PRTG: variants seen among roughly 807,000 people sequenced by gnomAD.
PRTG encodes the protein immunoglobulin superfamily, DCC subclass, member 5.
Under a neutral mutation model 122.5 loss-of-function variants are expected in PRTG, and 67 were observed. The observed-to-expected ratio is 0.55, with a 90% CI of 0.45 to 0.67. The LOEUF is 0.67. Among genes scored for constraint, PRTG ranks in the 30% least tolerant of loss-of-function variants. The probability of loss-of-function intolerance (pLI) is 0.00; values close to 1 mark genes in which losing one functional copy is unlikely to be tolerated. For synonymous variants in PRTG, 554 were observed against 501.1 expected, an observed-to-expected ratio of 1.11 and a Z score of -1.41; for missense variants, 1,435 against 1,415.4, an observed-to-expected ratio of 1.01 and a Z score of -0.22.
At chr15:55,717,907 G>T (rs1595673863) in intron 2 of PRTG, among the ~76,000 whole-genome samples, 1 of 152,130 alleles carries the variant, frequency 6.6e-6, no homozygotes, top group Non-Finnish European at 1.5e-5. Flanking sequence ...CTCTTCACAT[G>T]GACGCGCATG....
chr15:55,722,977 A>G (rs2030886754), intron 2 of PRTG, among the ~76,000 whole-genome samples: 1 of 152,216 alleles, frequency 6.6e-6, no homozygotes, highest in Non-Finnish European at 1.5e-5. Context: ...CAAGATTAAC[A>G]ACAGGAGGCT....
In PRTG at chr15:55,620,715, G is replaced by C. The variant is rs1240748912; in HGVS notation, c.3146C>G (p.Ser1049Cys). Reference protein sequence around the residue: ...NSYGPIIKNNSKKKWFFFQDS... With the variant: ...NSYGPIIKNNCKKKWFFFQDS... ...TTGGAAAAAAAACCACTTTTTCTTA[G>C]AGTTGTTTTTAATTATAGGACCATA... The change falls in exon 19 of 20, where the codon TCT becomes TGT. Residue 1049 changes from serine to cysteine, a missense_variant. Transcript: ENST00000389286. 2.5e-6 allele frequency: 4 copies of C among 1,602,080 alleles called. No individual in the cohort carries two copies. In the Admixed American group the frequency reaches 5.3e-5, roughly 21 times the overall value.
At chr15:55,666,463 A>G (rs2059439929) in intron 11 of PRTG, among the ~76,000 whole-genome samples, 1 of 152,222 alleles carries the variant, frequency 6.6e-6, no homozygotes, top group Non-Finnish European at 1.5e-5. Context: ...GATCTGTCCC[A>G]TTACAGAAAA....
chr15:55,730,531 T>C (rs1050565182), intron 2 of PRTG, among the ~76,000 whole-genome samples: 1 of 152,064 alleles, frequency 6.6e-6, no homozygotes, highest in African/African-American at 2.4e-5. Context: ...CTAGATGCAG[T>C]GGCTCAAGCC....
intron 2 of PRTG, among the ~76,000 whole-genome samples, chr15:55,732,600 T>C (rs2031273803): frequency 6.8e-6 from 1 of 146,912 alleles, no homozygotes; most frequent in Non-Finnish European, 1.5e-5. Context: ...CTTCAAGGGA[T>C]TCTCCTGCCT....
intron 11 of PRTG, among the ~76,000 whole-genome samples, chr15:55,642,890 G>A (rs1039946997): frequency 2.6e-5 from 4 of 152,040 alleles, no homozygotes; most frequent in Non-Finnish European, 2.9e-5. Flanking sequence ...GGGCAATATA[G>A]CAAGATCGCA....
At position 55,680,164 on chromosome 15, in the gene PRTG, T is replaced by C; in HGVS notation, c.863A>G (p.Asn288Ser). Residue 288 changes from asparagine (N) to serine (S), a missense_variant, in exon 6 of 20, where the codon AAT (asparagine) becomes AGT (serine). Asn to Ser is a conservative substitution (Grantham distance 46, BLOSUM62 1). Transcript: ENST00000389286. ...TAGCCTGACATCAGATATCATGAGATTACCATTTCCAAGTACCCGAGTATT... is the reference window on the plus strand; with the variant it reads ...TAGCCTGACATCAGATATCATGAGACTACCATTTCCAAGTACCCGAGTATT... ...VFNTRVLGNG[N>S]LMISDVRLQH... The C allele has an allele frequency of 1.2e-6, 2 of 1,612,106 alleles. No individual in the cohort carries two copies. The highest frequency in any genetic ancestry group is 2.2e-5 in the East Asian group (1 of 44,836).
At chr15:55,741,259 A>T (rs545775281) in intron 1 of PRTG, among the ~76,000 whole-genome samples, 5 of 152,228 alleles carry the variant, frequency 3.3e-5, no homozygotes, top group African/African-American at 1.2e-4. Flanking sequence ...AAATCCATTT[A>T]CTTAATTTCT....
At chr15:55,621,354 A>C (rs780635588) in intron 18 of PRTG, among the ~76,000 whole-genome samples, 28 of 151,818 alleles carry the variant, frequency 1.8e-4, no homozygotes, top group South Asian at 4.2e-4. Context: ...CCGTCTCAAA[A>C]AAAACAAAAC....
At chr15:55,720,380 A>G (rs566064370) in intron 2 of PRTG, among the ~76,000 whole-genome samples, 2 of 152,276 alleles carry the variant, frequency 1.3e-5, no homozygotes, top group South Asian at 4.1e-4. Flanking sequence ...AAAACAAAAT[A>G]AAACAAACAT....
intron 2 of PRTG, among the ~76,000 whole-genome samples, chr15:55,726,030 G>A (rs1405205643): frequency 3.3e-5 from 5 of 152,146 alleles, no homozygotes; most frequent in African/African-American, 7.2e-5. Context: ...TGCAACTTCC[G>A]CCTCCCAGGT....
chr15:55,741,772 G>C (rs1430923822), intron 1 of PRTG, among the ~76,000 whole-genome samples: 3 of 152,132 alleles, frequency 2.0e-5, no homozygotes, highest in Admixed American at 6.5e-5. Context: ...CCTGCTTCCC[G>C]TAATGTATGC....
At chr15:55,725,468 T>C (rs2030993833) in intron 2 of PRTG, among the ~76,000 whole-genome samples, 2 of 151,940 alleles carry the variant, frequency 1.3e-5, no homozygotes, top group African/African-American at 4.8e-5. Flanking sequence ...TGGTAGCATG[T>C]GCCTGCAGCC....
intron 2 of PRTG, among the ~76,000 whole-genome samples, chr15:55,718,675 T>C (rs16976489): frequency 0.1 from 15,254 of 151,782 alleles, 921 homozygotes; most frequent in Middle Eastern, 0.19. Context: ...TTAAATACAA[T>C]ATCTTCACTT....
At chr15:55,648,825 A>C (rs913124815) in intron 11 of PRTG, among the ~76,000 whole-genome samples, 4 of 152,192 alleles carry the variant, frequency 2.6e-5, no homozygotes, top group African/African-American at 7.2e-5. Context: ...TTGGCCGGGC[A>C]CGGTGGCTCA....
intron 2 of PRTG, among the ~76,000 whole-genome samples, chr15:55,723,224 G>C (rs1486886157): frequency 1.3e-5 from 2 of 152,086 alleles, no homozygotes; most frequent in Non-Finnish European, 2.9e-5. Flanking sequence ...ATCACATGTG[G>C]AAACAATCTG....
At chr15:55,667,222 AC>A (rs2059443844) in intron 11 of PRTG, among the ~76,000 whole-genome samples, 4 of 149,504 alleles carry the variant, frequency 2.7e-5, no homozygotes, top group South Asian at 2.2e-4. Context: ...AAAAAAAAAA[AC>A]AGATAATGCA....
intron 2 of PRTG, among the ~76,000 whole-genome samples, chr15:55,737,007 GAAATTTATCTTA>G (rs2031432687): frequency 1.3e-5 from 2 of 152,226 alleles, no homozygotes; most frequent in South Asian, 4.1e-4. Flanking sequence ...GCTTTCCTAC[GAAATTTATCTTA>G]CCTATTTCAA....
chr15:55,720,025 C>T (rs1329014360), intron 2 of PRTG, among the ~76,000 whole-genome samples: 2 of 152,098 alleles, frequency 1.3e-5, no homozygotes, highest in Admixed American at 6.6e-5. Context: ...TGCCATTGCA[C>T]TCCAGCCTGG....
Sources: gnomAD v4.1 joint callset for allele counts (sites outside exome capture counted in the v4.1 genomes callset) on GRCh38, gnomAD v4.1.1 for gene constraint, MANE v1.5 for transcripts, NCBI Gene and HGNC (gene_info 2026-07-23, HGNC 2026-07-21) for gene names.